The following CSMD3 variants were observed in gnomAD, a reference collection of about 807,000 sequenced individuals.
CSMD3 encodes the protein CUB and Sushi multiple domains 3.
In CSMD3, 177 loss-of-function variants were observed where a neutral mutation model predicts 435.2. The observed-to-expected ratio is 0.41, with a 90% confidence interval of 0.36 to 0.46. CSMD3 has a LOEUF of 0.46. Among genes scored for constraint, CSMD3 ranks in the 20% least tolerant of loss-of-function variants. CSMD3 has a pLI of 0.34. For synonymous variants in CSMD3, 1,656 were observed against 1,520.5 expected (o/e 1.09, Z -2.07); for missense variants, 4,265 against 4,504.6 (o/e 0.95, Z 1.52).
chr8:112,981,830 C>G (rs1229361343), intron 6 of CSMD3, among the ~76,000 whole-genome samples: 1 of 151,564 alleles, frequency 6.6e-6, no homozygotes, highest in African/African-American at 2.4e-5. Flanking sequence ...ATGGAAATAT[C>G]AAAACTTTTA....
rs1158232184 is a variant in CSMD3 at position 112,306,081 on chromosome 8, G to A, written c.7997C>T (p.Ser2666Phe). ...GCATACAGCTGTAGTGAGTTCTTTGGATGACAATCGATATCCATCATTACA... is the reference window on the plus strand; with the variant it reads ...GCATACAGCTGTAGTGAGTTCTTTGAATGACAATCGATATCCATCATTACA... The part of the protein sequence containing the change: ...YFCNDGYRLS[S>F]KELTTAVCQS... The change falls in exon 51 of 71, where the codon TCC becomes TTC. Residue 2666 changes from serine to phenylalanine, a missense_variant. By Grantham distance (155) the Ser-to-Phe change is radical. Transcript: ENST00000297405. 6.2e-7 allele frequency: 1 copy of A among 1,613,366 alleles called. No homozygotes were observed. Among genetic ancestry groups the A allele is most frequent in the Non-Finnish European group, 8.5e-7 (1 of 1,179,572 alleles).
rs2079809815 is a variant in CSMD3, at chr8:112,829,797, T to C, written c.1756-8A>G. ...AAAATTTATCTGGATAACCTAGCAG[T>C]AAACAGAAACATGCACCTTAAATAT... On this transcript the variant is annotated splice_polypyrimidine_tract_variant and splice_region_variant and intron_variant, in intron 11 of 70. Coordinates refer to ENST00000297405, the MANE Select transcript of CSMD3 (RefSeq NM_198123.2). The C allele has an allele frequency of 6.6e-7, 1 of 1,522,232 alleles. No individual in the cohort carries two copies. Among genetic ancestry groups the C allele is most frequent in the African/African-American group, 1.4e-5 (1 of 72,956 alleles). 94.3% of individuals were successfully genotyped at this position (1,522,232 alleles called of 1,614,324 possible).
intron 23 of CSMD3, among the ~76,000 whole-genome samples, chr8:112,582,140 T>C (rs193265635): frequency 1.7e-4 from 26 of 152,130 alleles, no homozygotes; most frequent in Non-Finnish European, 2.4e-4. Context: ...CCCATTGATA[T>C]AAGTGATTCT....
chr8:113,417,072 T>A (rs1466049663), intron 1 of CSMD3, among the ~76,000 whole-genome samples: 2 of 152,028 alleles, frequency 1.3e-5, no homozygotes, highest in East Asian at 1.9e-4. Context: ...GAGACAAAAA[T>A]AAAATATTAG....
At chr8:113,248,591 C>A (rs1217985042) in intron 3 of CSMD3, among the ~76,000 whole-genome samples, 1 of 146,298 alleles carries the variant, frequency 6.8e-6, no homozygotes, top group East Asian at 2.0e-4. Context: ...ATATAAATTG[C>A]CATGTATTTA....
intron 13 of CSMD3, among the ~76,000 whole-genome samples, chr8:112,716,789 G>A (rs1218188573): frequency 6.6e-6 from 1 of 152,118 alleles, no homozygotes; most frequent in African/African-American, 2.4e-5. Context: ...ACAACCATCT[G>A]ATCTTCTACA....
rs1563913689 is a variant in CSMD3, at chr8:112,410,714, A to ATATATATGTGTATATATATATG, written c.5396-1683_5396-1682insCATATATATATACACATATATA. 1.2e-3 allele frequency among the ~76,000 whole-genome samples: 128 copies of ATATATATGTGTATATATATATG among 106,350 alleles called. 8 individuals carry two copies. Among genetic ancestry groups the ATATATATGTGTATATATATATG allele is most frequent in the Non-Finnish European group, 1.8e-3 (89 of 49,244 alleles). 69.8% of individuals were successfully genotyped at this position (106,350 alleles called of 152,430 possible). On this transcript the variant is annotated intron_variant, in intron 32 of 70. Transcript: ENST00000297405. ...TATATATATATGTGTATATATATAT[A>ATATATATGTGTATATATATATG]TGTATATATATAGGAAAGGTTTTGT...
intron 5 of CSMD3, among the ~76,000 whole-genome samples, chr8:113,038,841 G>A (rs1026041747): frequency 3.3e-5 from 5 of 152,052 alleles, no homozygotes; most frequent in Admixed American, 1.3e-4. Context: ...TATTTGTAAC[G>A]GTTATAGTCA....
In CSMD3 at chr8:112,410,688, G is replaced by A. The variant is rs561172555; in HGVS notation, c.5396-1656C>T. Among the ~76,000 whole-genome samples, 15 of 125,048 alleles carry A rather than the reference G, an allele frequency of 1.2e-4. 1 individual carries two copies. Among genetic ancestry groups the A allele is most frequent in the African/African-American group, 2.8e-4 (9 of 32,684 alleles). The allele number at this position is 125,048 out of a possible 152,430, so 82.0% of individuals were successfully genotyped here. On this transcript the variant is annotated intron_variant, in intron 32 of 70. Transcript: ENST00000297405. Reference sequence around the variant, plus strand: ...TATATATATATGTGTATATATATATGTATATATATATGTGTATATATATAT... The same window carrying A: ...TATATATATATGTGTATATATATATATATATATATATGTGTATATATATAT...
intron 4 of CSMD3, among the ~76,000 whole-genome samples, chr8:113,137,889 C>G (rs2091454868): frequency 6.6e-6 from 1 of 151,558 alleles, no homozygotes; most frequent in South Asian, 2.1e-4. Context: ...GGAATTACAT[C>G]CAAACCCTAT....
At chr8:113,275,199 T>C (rs1372774852) in intron 3 of CSMD3, among the ~76,000 whole-genome samples, 1 of 152,140 alleles carries the variant, frequency 6.6e-6, no homozygotes, top group Non-Finnish European at 1.5e-5. Context: ...AATTATTATC[T>C]CAATTTTACA....
chr8:112,894,233 G>T (rs1191508361), intron 10 of CSMD3, among the ~76,000 whole-genome samples: 1 of 151,428 alleles, frequency 6.6e-6, no homozygotes, highest in Non-Finnish European at 1.5e-5. Flanking sequence ...AGATTCATTT[G>T]TATCAGCATA....
chr8:112,651,020 T>C (rs1270400806), intron 18 of CSMD3, among the ~76,000 whole-genome samples: 1 of 152,176 alleles, frequency 6.6e-6, no homozygotes, highest in Admixed American at 6.5e-5. Flanking sequence ...TGGAGTACTT[T>C]TAGAAACATT....
chr8:112,487,056 T>C (rs1462126479), intron 31 of CSMD3, among the ~76,000 whole-genome samples: 1 of 152,218 alleles, frequency 6.6e-6, no homozygotes, highest in Non-Finnish European at 1.5e-5. Context: ...GGATGCTCAC[T>C]GTACGTTGTA....
chr8:112,837,746 T>G (rs749276509), intron 11 of CSMD3, among the ~76,000 whole-genome samples: 11 of 150,396 alleles, frequency 7.3e-5, no homozygotes, highest in Non-Finnish European at 1.6e-4. Flanking sequence ...TCTATGTTGC[T>G]AAAAATTTAC....
At chr8:112,502,008 A>ATTT (rs1271760931) in intron 30 of CSMD3, among the ~76,000 whole-genome samples, 35 of 152,208 alleles carry the variant, frequency 2.3e-4, no homozygotes, top group African/African-American at 8.2e-4. Flanking sequence ...GCAAGCATAA[A>ATTT]TACATGGAAA....
chr8:112,829,959 AT>A, intron 11 of CSMD3, among the ~76,000 whole-genome samples, 170 bp from the exon 12 acceptor site: 1 of 151,784 alleles, frequency 6.6e-6, no homozygotes, highest in East Asian at 1.9e-4. Context: ...TATATATATA[AT>A]TTCATAGTAT....
intron 22 of CSMD3, among the ~76,000 whole-genome samples, chr8:112,635,925 C>T (rs1464229287): frequency 6.6e-6 from 1 of 152,088 alleles, no homozygotes; most frequent in Non-Finnish European, 1.5e-5. Context: ...TTATAAGTTA[C>T]ATAGATTTGT....
chr8:112,493,350 C>A (rs1184443669), intron 30 of CSMD3, among the ~76,000 whole-genome samples: 1 of 151,984 alleles, frequency 6.6e-6, no homozygotes, highest in East Asian at 1.9e-4. Flanking sequence ...TATAAAACGT[C>A]TTTATTTAAA....
Sources: allele counts gnomAD v4.1 joint callset (sites outside exome capture counted in the v4.1 genomes callset), GRCh38; gene constraint gnomAD v4.1.1; transcripts MANE v1.5; gene names NCBI Gene and HGNC (gene_info 2026-07-23, HGNC 2026-07-21).